KIAA1328: variants seen among roughly 807,000 people sequenced by gnomAD.
KIAA1328 encodes the protein protein hinderin.
Under a neutral mutation model 68.1 loss-of-function variants are expected in KIAA1328, and 52 were observed. The observed-to-expected ratio is 0.76, with a 90% CI of 0.61 to 0.96. The LOEUF is 0.96. Among genes scored for constraint, KIAA1328 ranks in the 40% least tolerant of loss-of-function variants. The probability of loss-of-function intolerance (pLI) is 0.00; values close to 1 mark genes in which losing one functional copy is unlikely to be tolerated. For synonymous variants in KIAA1328, 232 were observed against 239.4 expected (o/e 0.97, Z 0.28); for missense variants, 641 against 677.6 (o/e 0.95, Z 0.60).
chr18:36,840,578 C>G (rs2046826416), intron 3 of KIAA1328, among the ~76,000 whole-genome samples: 1 of 151,786 alleles, frequency 6.6e-6, no homozygotes, highest in Admixed American at 6.6e-5. Flanking sequence ...GCCTCAGCCT[C>G]TCAACTAGCT....
chr18:36,964,416 T>C (rs1217898445), intron 6 of KIAA1328, among the ~76,000 whole-genome samples: 3 of 152,220 alleles, frequency 2.0e-5, no homozygotes, highest in African/African-American at 7.2e-5. Context: ...TGAGAGACTT[T>C]TTCTGTTTCT....
intron 6 of KIAA1328, among the ~76,000 whole-genome samples, chr18:37,048,696 T>C (rs2055573678): frequency 6.6e-6 from 1 of 152,216 alleles, no homozygotes; most frequent in African/African-American, 2.4e-5. Flanking sequence ...TCCCTATTTT[T>C]ATGGCCTCTG....
At chr18:36,870,011 C>T (rs769531337) in intron 4 of KIAA1328, among the ~76,000 whole-genome samples, 7 of 151,882 alleles carry the variant, frequency 4.6e-5, no homozygotes, top group Non-Finnish European at 5.9e-5. Flanking sequence ...TACAGGTGCG[C>T]GCCACCACGT....
intron 7 of KIAA1328, among the ~76,000 whole-genome samples, chr18:37,078,817 A>C (rs2056843355): frequency 6.7e-6 from 1 of 150,198 alleles, no homozygotes; most frequent in African/African-American, 2.5e-5. Context: ...AATCATTAAA[A>C]AGTCAGGAAA....
intron 7 of KIAA1328, among the ~76,000 whole-genome samples, chr18:37,085,545 G>A (rs759939706): frequency 2.0e-5 from 3 of 152,126 alleles, no homozygotes; most frequent in Non-Finnish European, 4.4e-5. Context: ...GGGCAGGGAC[G>A]AGTCCTTGAA....
intron 8 of KIAA1328, among the ~76,000 whole-genome samples, chr18:37,167,108 G>C (rs553536154): frequency 1.4e-4 from 22 of 152,332 alleles, no homozygotes; most frequent in African/African-American, 5.3e-4. Context: ...TAATGGGGGA[G>C]TGGCTCGCTT....
At chr18:37,016,766 A>C (rs1206701878) in intron 6 of KIAA1328, among the ~76,000 whole-genome samples, 1 of 152,168 alleles carries the variant, frequency 6.6e-6, no homozygotes, top group Non-Finnish European at 1.5e-5. Flanking sequence ...AAGTGTTCAC[A>C]GTAGTGTCTG....
chr18:37,139,899 A>G (rs556395658), intron 7 of KIAA1328, among the ~76,000 whole-genome samples: 6 of 152,176 alleles, frequency 3.9e-5, no homozygotes, highest in African/African-American at 9.6e-5. Context: ...TATTCGGAGG[A>G]TCAGAGCTCA....
At chr18:37,015,613 G>C (rs1435398148) in intron 6 of KIAA1328, among the ~76,000 whole-genome samples, 3 of 150,820 alleles carry the variant, frequency 2.0e-5, no homozygotes, top group Admixed American at 1.3e-4. Context: ...TAACTATATT[G>C]ATTCTTCTAA....
intron 7 of KIAA1328, among the ~76,000 whole-genome samples, chr18:37,092,326 A>G (rs1266146745): frequency 6.6e-6 from 1 of 151,480 alleles, no homozygotes; most frequent in Non-Finnish European, 1.5e-5. Flanking sequence ...CCCATCTACC[A>G]CCGTTGCCAG....
At chr18:36,849,515 G>C (rs936943046) in intron 4 of KIAA1328, among the ~76,000 whole-genome samples, 3 of 151,944 alleles carry the variant, frequency 2.0e-5, no homozygotes, top group African/African-American at 4.8e-5. Context: ...TGGAATTATA[G>C]AATATGGGGC....
At chr18:36,989,636 G>C (rs1007462689) in intron 6 of KIAA1328, among the ~76,000 whole-genome samples, 2 of 152,142 alleles carry the variant, frequency 1.3e-5, no homozygotes, top group Non-Finnish European at 2.9e-5. Flanking sequence ...CATGAGCCAA[G>C]GAAGACAAAT....
intron 5 of KIAA1328, among the ~76,000 whole-genome samples, chr18:36,928,158 A>T (rs2050188525): frequency 6.6e-6 from 1 of 152,134 alleles, no homozygotes; most frequent in Non-Finnish European, 1.5e-5. Context: ...TTTTAAGAGC[A>T]TAGACTGGGC....
chr18:37,142,320 T>C (rs956914347), intron 7 of KIAA1328, among the ~76,000 whole-genome samples: 86 of 152,068 alleles, frequency 5.7e-4, no homozygotes, highest in African/African-American at 2.0e-3. Context: ...GCCTCTTGAG[T>C]AGCTGGGATT....
intron 4 of KIAA1328, among the ~76,000 whole-genome samples, chr18:36,851,161 C>T (rs2150841508): frequency 6.6e-6 from 1 of 151,880 alleles, no homozygotes; most frequent in Non-Finnish European, 1.5e-5. Flanking sequence ...AGATAAATAC[C>T]AATTGGTTAT....
chr18:37,028,068 AAAG>A (rs766063895), intron 6 of KIAA1328, among the ~76,000 whole-genome samples: 10 of 152,212 alleles, frequency 6.6e-5, no homozygotes, highest in Admixed American at 2.0e-4. Context: ...ACACTTCTCA[AAAG>A]AAGACATTTA....
chr18:37,174,978 T>C (rs1003762819), intron 9 of KIAA1328, among the ~76,000 whole-genome samples: 27 of 152,184 alleles, frequency 1.8e-4, no homozygotes, highest in African/African-American at 5.5e-4. Flanking sequence ...GCCGCTTTCT[T>C]TTATTTTTAA....
chr18:36,928,706 A>G (rs1400540027), intron 5 of KIAA1328, among the ~76,000 whole-genome samples: 2 of 152,206 alleles, frequency 1.3e-5, no homozygotes, highest in Non-Finnish European at 2.9e-5. Flanking sequence ...GTGTGTGCGC[A>G]CGCATGTGCA....
chr18:37,106,360 T>A (rs2057775424), intron 7 of KIAA1328, among the ~76,000 whole-genome samples: 1 of 152,102 alleles, frequency 6.6e-6, no homozygotes, highest in African/African-American at 2.4e-5. Context: ...ATATGAAGTT[T>A]CTTTTAGGGG....
Sources: gnomAD v4.1 joint callset for allele counts (sites outside exome capture counted in the v4.1 genomes callset) on GRCh38, gnomAD v4.1.1 for gene constraint, MANE v1.5 for transcripts, NCBI Gene and HGNC (gene_info 2026-07-23, HGNC 2026-07-21) for gene names.